Variants in KCNIP1 observed in about 807,000 individuals in gnomAD.
KCNIP1 encodes the protein A-type potassium channel modulatory protein KCNIP1.
KCNIP1 carries 18 observed loss-of-function variants against 33.0 expected under a neutral mutation model. The observed-to-expected ratio is 0.55, with a 90% CI of 0.38 to 0.81. The LOEUF (loss-of-function observed/expected upper bound fraction) is 0.81. Among genes scored for constraint, KCNIP1 ranks in the 30% least tolerant of loss-of-function variants. The pLI is 0.00. For missense variants in KCNIP1, 238 were observed against 271.6 expected (o/e 0.88, Z 0.87); for synonymous variants, 93 against 98.3 (o/e 0.95, Z 0.32).
At chr5:170,530,701 T>G (rs568987390) in intron 1 of KCNIP1, among the ~76,000 whole-genome samples, 1 of 152,322 alleles carries the variant, frequency 6.6e-6, no homozygotes, top group Non-Finnish European at 1.5e-5. Flanking sequence ...CAGCCACGCT[T>G]GCATCCAGGG....
At chr5:170,609,849 CCTGT>C (rs934500129) in intron 1 of KCNIP1, among the ~76,000 whole-genome samples, 15 of 152,058 alleles carry the variant, frequency 9.9e-5, no homozygotes, top group African/African-American at 3.1e-4. Flanking sequence ...AGAACAAGAT[CCTGT>C]CTCTAAAAAC....
intron 1 of KCNIP1, among the ~76,000 whole-genome samples, chr5:170,625,339 A>G (rs932148276): frequency 1.3e-5 from 2 of 152,126 alleles, no homozygotes; most frequent in Non-Finnish European, 2.9e-5. Context: ...CCAAGCCCCA[A>G]GAATACAAGA....
intron 1 of KCNIP1, among the ~76,000 whole-genome samples, chr5:170,689,010 G>A (rs1236623639): frequency 6.6e-6 from 1 of 152,052 alleles, no homozygotes; most frequent in Non-Finnish European, 1.5e-5. Flanking sequence ...AGGGAAGAGT[G>A]GTAGTTTTGG....
chr5:170,550,711 GTGA>G (rs1056931290), intron 1 of KCNIP1, among the ~76,000 whole-genome samples: 4 of 151,762 alleles, frequency 2.6e-5, no homozygotes, highest in South Asian at 2.1e-4. Context: ...GATGGTAACA[GTGA>G]TGATGATAAT....
chr5:170,622,362 C>T (rs1039921224), intron 1 of KCNIP1, among the ~76,000 whole-genome samples: 2 of 152,118 alleles, frequency 1.3e-5, no homozygotes, highest in African/African-American at 4.8e-5. Context: ...TAGCTCACGC[C>T]TGTAATCCCA....
chr5:170,583,359 C>T (rs1297004936), intron 1 of KCNIP1, among the ~76,000 whole-genome samples: 1 of 152,166 alleles, frequency 6.6e-6, no homozygotes, highest in East Asian at 1.9e-4. Context: ...TTATTTATAA[C>T]CTTCCCAGTG....
chr5:170,490,347 G>A (rs570373695), intron 1 of KCNIP1, among the ~76,000 whole-genome samples: 5 of 152,204 alleles, frequency 3.3e-5, no homozygotes, highest in African/African-American at 9.7e-5. Context: ...TTGACGGGCT[G>A]GGGGTAGGGC....
chr5:170,538,807 G>A (rs998244980), intron 1 of KCNIP1, among the ~76,000 whole-genome samples: 1 of 151,012 alleles, frequency 6.6e-6, no homozygotes, highest in Non-Finnish European at 1.5e-5. Flanking sequence ...TTTGTCATAT[G>A]TTCCTCTAAG....
At chr5:170,408,320 G>A (rs1755090639) in intron 1 of KCNIP1, among the ~76,000 whole-genome samples, 1 of 152,154 alleles carries the variant, frequency 6.6e-6, no homozygotes, top group Non-Finnish European at 1.5e-5. Flanking sequence ...CAGGGCCATT[G>A]GAGGGAGACC....
intron 1 of KCNIP1, among the ~76,000 whole-genome samples, chr5:170,674,856 T>C (rs565564508): frequency 1.3e-5 from 2 of 152,296 alleles, no homozygotes; most frequent in South Asian, 4.1e-4. Flanking sequence ...ACAGAGACCC[T>C]GGGATGGAGA....
chr5:170,378,209 A>T (rs1764084447), intron 1 of KCNIP1: 2 of 153,276 alleles, frequency 1.3e-5, no homozygotes, highest in South Asian at 4.1e-4. Context: ...AAAAATATAT[A>T]TGGCACTTTA....
At chr5:170,657,576 C>T (rs1404819633) in intron 1 of KCNIP1, among the ~76,000 whole-genome samples, 3 of 152,186 alleles carry the variant, frequency 2.0e-5, no homozygotes, top group Non-Finnish European at 4.4e-5. Flanking sequence ...GGATAGACAG[C>T]TTCCCCCATC....
chr5:170,420,026 G>A (rs576545672), intron 1 of KCNIP1, among the ~76,000 whole-genome samples: 14 of 152,224 alleles, frequency 9.2e-5, no homozygotes, highest in African/African-American at 2.6e-4. Flanking sequence ...TCTCTTCTCT[G>A]GCCAACGGAA....
chr5:170,679,048 G>C (rs1407051159), intron 1 of KCNIP1: 1 of 152,020 alleles, frequency 6.6e-6, no homozygotes, highest in African/African-American at 2.4e-5. Context: ...CAGAGGAGAG[G>C]AAACACAGTA....
chr5:170,372,043 G>A (rs1763859705), intron 1 of KCNIP1, among the ~76,000 whole-genome samples: 1 of 152,106 alleles, frequency 6.6e-6, no homozygotes, highest in South Asian at 2.1e-4. Context: ...CCACAAGACT[G>A]CCCCCATTCA....
chr5:170,634,749 C>T (rs1760219200), intron 1 of KCNIP1, among the ~76,000 whole-genome samples: 1 of 152,164 alleles, frequency 6.6e-6, no homozygotes, highest in Non-Finnish European at 1.5e-5. Context: ...GCAGATGTGT[C>T]CTGAAAGCCA....
At chr5:170,545,563 C>G (rs183596165) in intron 1 of KCNIP1, among the ~76,000 whole-genome samples, 33 of 152,064 alleles carry the variant, frequency 2.2e-4, no homozygotes, top group African/African-American at 8.0e-4. Context: ...TTTAATGTTC[C>G]TTTCTCTTTT....
chr5:170,586,449 G>C (rs1757992629), intron 1 of KCNIP1, among the ~76,000 whole-genome samples: 1 of 152,202 alleles, frequency 6.6e-6, no homozygotes, highest in African/African-American at 2.4e-5. Context: ...GAAATCACAA[G>C]AGGGCAATTT....
At chr5:170,436,730 G>A (rs934283360) in intron 1 of KCNIP1, among the ~76,000 whole-genome samples, 15 of 152,122 alleles carry the variant, frequency 9.9e-5, no homozygotes, top group African/African-American at 3.6e-4. Flanking sequence ...TTCCTGATTG[G>A]GGTCCCATTC....
Sources: gnomAD v4.1 joint callset for allele counts (sites outside exome capture counted in the v4.1 genomes callset) on GRCh38, gnomAD v4.1.1 for gene constraint, MANE v1.5 for transcripts, NCBI Gene and HGNC (gene_info 2026-07-23, HGNC 2026-07-21) for gene names.